FBXL13: variants seen among roughly 807,000 people sequenced by gnomAD.
FBXL13 encodes F-box and leucine-rich repeat protein 13.
In FBXL13, 67 loss-of-function variants were observed where a neutral mutation model predicts 83.6. The observed-to-expected ratio is 0.80, with a 90% confidence interval of 0.66 to 0.98. The LOEUF (loss-of-function observed/expected upper bound fraction) is 0.98, where lower values mean the gene tolerates loss of function less well. Among genes scored for constraint, FBXL13 ranks in the 50% least tolerant of loss-of-function variants. FBXL13 has a pLI of 0.00. For synonymous variants in FBXL13, 272 were observed against 299.5 expected, an observed-to-expected ratio of 0.91 and a Z score of 0.95; for missense variants, 822 against 866.5, an observed-to-expected ratio of 0.95 and a Z score of 0.64.
At chr7:102,905,357 C>T (rs1164669891) in intron 11 of FBXL13, among the ~76,000 whole-genome samples, 1 of 152,136 alleles carries the variant, frequency 6.6e-6, no homozygotes, top group African/African-American at 2.4e-5. Flanking sequence ...TTTATCATTA[C>T]ATAGTGACCT....
intron 11 of FBXL13, among the ~76,000 whole-genome samples, chr7:102,899,416 G>GAA (rs1812691797): frequency 6.6e-6 from 1 of 152,148 alleles, no homozygotes; most frequent in Admixed American, 6.5e-5. Context: ...CCTCTTGGTA[G>GAA]GCTTCTTTGT....
At position 103,066,240 on chromosome 7, in the gene FBXL13, T is replaced by C. The variant is rs547928021; in HGVS notation, c.-105+8006A>G. Among the ~76,000 whole-genome samples the C allele has an allele frequency of 3.9e-5, 6 of 152,336 alleles. No homozygotes were observed. The East Asian group carries it at 1.2e-3, about 29-fold the overall frequency. On this transcript the variant is annotated intron_variant, in intron 1 of 19. Coordinates refer to ENST00000313221, the Ensembl canonical transcript of FBXL13. ...ACATTTTCTGGGAAGACATTACATG[T>C]TGTTATTTTCCCATTCATAAACACA...
At chr7:103,000,329 A>G (rs951075990) in intron 6 of FBXL13, among the ~76,000 whole-genome samples, 1 of 152,220 alleles carries the variant, frequency 6.6e-6, no homozygotes. Flanking sequence ...TGGCCAACAG[A>G]GCAAGACCCT....
chr7:102,845,263 G>A (rs1365264833), intron 17 of FBXL13, among the ~76,000 whole-genome samples: 1 of 152,100 alleles, frequency 6.6e-6, no homozygotes, highest in African/African-American at 2.4e-5. Flanking sequence ...CATTAGAACA[G>A]AAGATACACC....
chr7:102,869,544 C>A (rs1232809975), intron 16 of FBXL13, among the ~76,000 whole-genome samples: 1 of 152,082 alleles, frequency 6.6e-6, no homozygotes, highest in Non-Finnish European at 1.5e-5. Context: ...CCAAAAAAAT[C>A]TTTGCCCAAA....
At chr7:102,943,457 A>C (rs192310357) in intron 8 of FBXL13, among the ~76,000 whole-genome samples, 28 of 152,334 alleles carry the variant, frequency 1.8e-4, no homozygotes, top group African/African-American at 6.7e-4. Context: ...TTTTGCATTT[A>C]GACACATTTA....
At chr7:102,867,289 T>G (rs2129455358) in intron 16 of FBXL13, among the ~76,000 whole-genome samples, 1 of 152,194 alleles carries the variant, frequency 6.6e-6, no homozygotes, top group African/African-American at 2.4e-5. Flanking sequence ...GCCCAGAAAG[T>G]TGAGGCTGCA....
At chr7:102,940,798 T>C (rs1490863072) in intron 8 of FBXL13, among the ~76,000 whole-genome samples, 1 of 152,240 alleles carries the variant, frequency 6.6e-6, no homozygotes, top group African/African-American at 2.4e-5. Context: ...TGAGAATTAC[T>C]GCAATATTGA....
chr7:102,891,867 C>T (rs1045307640), intron 11 of FBXL13, among the ~76,000 whole-genome samples: 1 of 152,198 alleles, frequency 6.6e-6, no homozygotes, highest in African/African-American at 2.4e-5. Context: ...TTTTCCTCAA[C>T]CAGTGGCCAA....
intron 1 of FBXL13, among the ~76,000 whole-genome samples, chr7:103,063,467 C>A (rs1036686538): frequency 6.6e-6 from 1 of 152,160 alleles, no homozygotes; most frequent in Non-Finnish European, 1.5e-5. Flanking sequence ...GTCTTGGAAC[C>A]AATCCCCCAT....
rs1285033311 is a variant in FBXL13, at chr7:102,944,095, T to TCCCC, written c.725-12163_725-12162insGGGG. 2.3e-4 allele frequency: 195 copies of TCCCC among 830,060 alleles called. 1 individual carries two copies. In the Middle Eastern group the frequency reaches 5.9e-3, roughly 25 times the overall value. 51.4% of individuals were successfully genotyped at this position (830,060 alleles called of 1,614,324 possible). On this transcript the variant is annotated intron_variant, in intron 8 of 19. Coordinates refer to ENST00000313221, the Ensembl canonical transcript of FBXL13. Reference sequence around the variant, plus strand: ...GAAAAAGAAAGGAAAAGAAATCTCTTTATTTTCAAAGGGGAAAATTAAGCC... The same window carrying TCCCC: ...GAAAAAGAAAGGAAAAGAAATCTCTTCCCCTATTTTCAAAGGGGAAAATTAAGCC...
In FBXL13 at chr7:102,823,734, T is replaced by C. The variant is rs74300430; in HGVS notation, c.1855-1531A>G. On this transcript the variant is annotated intron_variant, in intron 18 of 19. Coordinates refer to ENST00000313221, the Ensembl canonical transcript of FBXL13. ...TTCTGAAAAACATAGGCCGTGAGGC[T>C]TGGCTCTTGTTTTAACATAAAGTTA... is the stretch of plus-strand genomic sequence containing the variant. 0.014 allele frequency among the ~76,000 whole-genome samples: 2,141 copies of C among 152,370 alleles called. 118 individuals are homozygous for C. The East Asian group carries it at 0.16, about 11-fold the overall frequency.
At chr7:102,948,429 T>C (rs1415735769) in intron 8 of FBXL13, among the ~76,000 whole-genome samples, 1 of 152,042 alleles carries the variant, frequency 6.6e-6, no homozygotes, top group Non-Finnish European at 1.5e-5. Flanking sequence ...GATTTATTTA[T>C]TTTCTTTTTT....
At chr7:102,853,251 C>A (rs1805530680) in intron 17 of FBXL13, among the ~76,000 whole-genome samples, 1 of 152,060 alleles carries the variant, frequency 6.6e-6, no homozygotes, top group African/African-American at 2.4e-5. Context: ...GTGATGGGTG[C>A]ACCAAAATCT....
intron 8 of FBXL13, among the ~76,000 whole-genome samples, chr7:102,947,340 T>C (rs745372639): frequency 6.6e-6 from 1 of 152,190 alleles, no homozygotes; most frequent in Non-Finnish European, 1.5e-5. Context: ...TTTTAGAGGC[T>C]AGTTAGGGAT....
At chr7:103,064,410 G>A (rs1798202969) in intron 1 of FBXL13, among the ~76,000 whole-genome samples, 4 of 152,220 alleles carry the variant, frequency 2.6e-5, no homozygotes, top group Non-Finnish European at 4.4e-5. Flanking sequence ...GAGGGAAGTA[G>A]ATGCTACGTA....
intron 6 of FBXL13, among the ~76,000 whole-genome samples, chr7:102,972,422 G>A (rs1466568199): frequency 6.6e-6 from 1 of 152,112 alleles, no homozygotes; most frequent in African/African-American, 2.4e-5. Flanking sequence ...AGTAGAAATA[G>A]AATGGTTATC....
chr7:102,884,232 C>T (rs1271491361), exon 12 of FBXL13: 1 of 1,613,352 alleles, frequency 6.2e-7, no homozygotes, highest in East Asian at 2.2e-5. Flanking sequence ...AGTTGTCCGT[C>T]AGAGTTGGCA....
intron 9 of FBXL13, among the ~76,000 whole-genome samples, chr7:102,931,266 A>G (rs6958533): frequency 0.97 from 147,994 of 152,306 alleles, 72,059 homozygotes; most frequent in East Asian, 1. Context: ...AGAAACTGAA[A>G]CAAGTGAGGC....
Sources: gnomAD v4.1 joint callset for allele counts (sites outside exome capture counted in the v4.1 genomes callset) on GRCh38, gnomAD v4.1.1 for gene constraint, MANE v1.5 for transcripts, NCBI Gene and HGNC (gene_info 2026-07-23, HGNC 2026-07-21) for gene names.